Variants in TAF1A observed in about 807,000 individuals in gnomAD.
The protein encoded by TAF1A is TATA-box binding protein associated factor, RNA polymerase I subunit A.
In TAF1A, 42 loss-of-function variants were observed where a neutral mutation model predicts 61.6. The ratio of observed to expected loss-of-function variants is 0.68; its 90% CI spans 0.53 to 0.88. The LOEUF is 0.88. Among genes scored for constraint, TAF1A ranks in the 40% least tolerant of loss-of-function variants. The pLI is 0.00. For missense variants in TAF1A, 424 were observed against 518.7 expected, an observed-to-expected ratio of 0.82 and a Z score of 1.77; for synonymous variants, 179 against 177.7, an observed-to-expected ratio of 1.01 and a Z score of -0.06.
intron 5 of TAF1A, among the ~76,000 whole-genome samples, chr1:222,575,905 C>T (rs1363172658): frequency 1.3e-5 from 2 of 152,100 alleles, no homozygotes; most frequent in East Asian, 3.8e-4. Context: ...TTGAGTTTTA[C>T]CTAACCATGT....
intron 2 of TAF1A, among the ~76,000 whole-genome samples, chr1:222,585,098 C>T (rs913062432): frequency 6.6e-6 from 1 of 152,238 alleles, no homozygotes; most frequent in African/African-American, 2.4e-5. Flanking sequence ...TCATTACACA[C>T]TATCTGAAGG....
chr1:222,580,753 A>AG (rs903239587), intron 3 of TAF1A, among the ~76,000 whole-genome samples: 5 of 147,522 alleles, frequency 3.4e-5, no homozygotes, highest in African/African-American at 1.2e-4. Context: ...GGGTAAATGC[A>AG]GGGGGGGAAG....
chr1:222,563,407 G>T (rs1659992345), intron 8 of TAF1A, 111 bp from the exon 9 acceptor site: 1 of 1,164,726 alleles, frequency 8.6e-7, no homozygotes, highest in Non-Finnish European at 1.2e-6. Context: ...ATATGTTGTT[G>T]ATAAAATACT....
intron 2 of TAF1A, among the ~76,000 whole-genome samples, chr1:222,587,774 G>A (rs978759176): frequency 6.6e-6 from 1 of 152,040 alleles, no homozygotes; most frequent in African/African-American, 2.4e-5. Flanking sequence ...TATCTAGGCC[G>A]GGTGCAGTGG....
rs979187212 is a variant in TAF1A, at chr1:222,589,786, G to A, written c.-62C>T. 5.9e-6 allele frequency: 2 copies of A among 339,402 alleles called. No homozygotes were observed. Among genetic ancestry groups the A allele is most frequent in the African/African-American group, 4.2e-5 (2 of 47,468 alleles). The allele number at this position is 339,402 out of a possible 1,614,324, so 21.0% of individuals were successfully genotyped here. On this transcript the variant is annotated 5_prime_UTR_variant, in exon 1 of 11. Coordinates refer to ENST00000352967, the MANE Select transcript of TAF1A (RefSeq NM_005681.4). ...CTCAGTCTCCGACTCCGGCCCACGT[G>A]AAGAAATTCCCACCGGAAGACGAGT... is the stretch of plus-strand genomic sequence containing the variant.
At chr1:222,565,311 G>C (rs1660071725) in intron 7 of TAF1A, among the ~76,000 whole-genome samples, 1 of 152,076 alleles carries the variant, frequency 6.6e-6, no homozygotes, top group Non-Finnish European at 1.5e-5. Flanking sequence ...GTTCTCCATG[G>C]TTTAGCCTGA....
chr1:222,587,657 T>C (rs1661066965), intron 2 of TAF1A, among the ~76,000 whole-genome samples: 1 of 152,212 alleles, frequency 6.6e-6, no homozygotes, highest in Non-Finnish European at 1.5e-5. Context: ...ATTTATCCCA[T>C]AGAAAAACAT....
intron 9 of TAF1A, among the ~76,000 whole-genome samples, chr1:222,562,296 C>T (rs1659950239): frequency 1.3e-5 from 2 of 152,150 alleles, no homozygotes; most frequent in African/African-American, 4.8e-5. Context: ...CATTAGATCT[C>T]TATAATTTAA....
intron 8 of TAF1A, 35 bp from the exon 9 acceptor site, chr1:222,563,331 G>T (rs1386228544): frequency 6.3e-7 from 1 of 1,598,826 alleles, no homozygotes; most frequent in Non-Finnish European, 8.5e-7. Context: ...TTTACATAAG[G>T]TATTAAAGTG....
intron 7 of TAF1A, among the ~76,000 whole-genome samples, chr1:222,568,488 G>GC (rs1660210807): frequency 1.9e-5 from 1 of 52,586 alleles, no homozygotes; most frequent in Non-Finnish European, 6.0e-5. Context: ...AGAAGATACA[G>GC]GATGGCCAAT....
chr1:222,581,199 A>G (rs1466072755), intron 3 of TAF1A, among the ~76,000 whole-genome samples: 1 of 152,236 alleles, frequency 6.6e-6, no homozygotes, highest in African/African-American at 2.4e-5. Flanking sequence ...TGATCCAAAG[A>G]GAGCCAAAGA....
At chr1:222,561,547 G>A in intron 9 of TAF1A, 29 bp from the exon 10 acceptor site, 1 of 1,567,112 alleles carries the variant, frequency 6.4e-7, no homozygotes, top group Non-Finnish European at 8.6e-7. Flanking sequence ...AAAAGAGAGG[G>A]TCAATGATGG....
chr1:222,588,638 G>A (rs1661124567), intron 1 of TAF1A, 73 bp from the exon 2 acceptor site: 2 of 1,470,022 alleles, frequency 1.4e-6, no homozygotes, highest in East Asian at 2.4e-5. Flanking sequence ...ACAGAAAAAC[G>A]GCTATCTTTT....
chr1:222,580,980 G>A (rs1241464925), intron 3 of TAF1A, among the ~76,000 whole-genome samples: 3 of 151,942 alleles, frequency 2.0e-5, no homozygotes, highest in East Asian at 1.9e-4. Flanking sequence ...GTGAAACCCC[G>A]TCTCTACTAA....
downstream of TAF1A, among the ~76,000 whole-genome samples, chr1:222,557,017 C>T (rs1659736537): frequency 6.6e-6 from 1 of 152,164 alleles, no homozygotes; most frequent in South Asian, 2.1e-4. Flanking sequence ...TTTCTAAGTG[C>T]TTCTTTATTG....
chr1:222,564,703 T>A (rs1353833275), intron 7 of TAF1A, among the ~76,000 whole-genome samples: 13 of 152,312 alleles, frequency 8.5e-5, no homozygotes, highest in Admixed American at 1.3e-4. Context: ...TTTTTATGAA[T>A]ATTCAAAAAA....
At chr1:222,583,919 T>G (rs956979146) in intron 3 of TAF1A, among the ~76,000 whole-genome samples, 4 of 151,378 alleles carry the variant, frequency 2.6e-5, no homozygotes, top group Non-Finnish European at 5.9e-5. Flanking sequence ...AAAGGAAGAA[T>G]TATTGGAATG....
intron 3 of TAF1A, among the ~76,000 whole-genome samples, chr1:222,582,659 C>T (rs1462083426): frequency 6.6e-6 from 1 of 152,122 alleles, no homozygotes; most frequent in African/African-American, 2.4e-5. Context: ...TTCGCAGAAG[C>T]ATTATTTCCA....
Position 222,558,670 on chromosome 1 carries a change from G to C in TAF1A, c.1343C>G (p.Pro448Arg), listed in dbSNP as rs765473835. 3.3e-6 allele frequency: 5 copies of C among 1,533,366 alleles called. No homozygotes were observed. Among genetic ancestry groups the C allele is most frequent in the South Asian group, 1.3e-5 (1 of 78,924 alleles). The allele number at this position is 1,533,366 out of a possible 1,614,324, so 95.0% of individuals were successfully genotyped here. Residue 448 changes from proline (P) to arginine (R), a missense_variant, in exon 11 of 11, where the codon CCA (proline) becomes CGA (arginine). Pro to Arg is a moderately radical substitution (Grantham distance 103). Coordinates refer to ENST00000352967, the MANE Select transcript of TAF1A (RefSeq NM_005681.4). ...AACTAAAATTCAGTATCAGAGTCTT[G>C]GATTTACAATACTGTATTTTTTCAC... is the stretch of plus-strand genomic sequence containing the variant. The part of the protein sequence containing the change: ...RSVKKYSIVN[P>R]RL
Sources: gnomAD v4.1 joint callset for allele counts (sites outside exome capture counted in the v4.1 genomes callset) on GRCh38, gnomAD v4.1.1 for gene constraint, MANE v1.5 for transcripts, NCBI Gene and HGNC (gene_info 2026-07-23, HGNC 2026-07-21) for gene names.